The following BCKDHB variants were observed in gnomAD, a reference collection of about 807,000 sequenced individuals.
BCKDHB encodes the protein branched chain keto acid dehydrogenase E1 subunit beta.
A neutral mutation model predicts 48.5 loss-of-function variants in BCKDHB; 41 were observed. The observed-to-expected ratio is 0.85, with a 90% CI of 0.66 to 1.10. The LOEUF is 1.10. BCKDHB is among the 50% of genes least tolerant of loss of function. The pLI is 0.00. For missense variants in BCKDHB, 496 were observed against 494.2 expected (o/e 1.00, Z -0.03); for synonymous variants, 201 against 174.8 (o/e 1.15, Z -1.18).
chr6:80,148,178 A>G (rs1771579001), intron 3 of BCKDHB, among the ~76,000 whole-genome samples: 1 of 152,192 alleles, frequency 6.6e-6, no homozygotes, highest in Admixed American at 6.5e-5. Flanking sequence ...TTATTTTAGC[A>G]GGCCATCTGA....
intron 8 of BCKDHB, among the ~76,000 whole-genome samples, chr6:80,239,408 A>G (rs1044310292): frequency 2.6e-5 from 4 of 152,030 alleles, no homozygotes; most frequent in African/African-American, 9.7e-5. Flanking sequence ...TTCTTTTGAG[A>G]AGTGTCTGTT....
chr6:80,260,245 A>G (rs1041885851), intron 8 of BCKDHB, among the ~76,000 whole-genome samples: 5 of 152,120 alleles, frequency 3.3e-5, no homozygotes, highest in East Asian at 1.9e-4. Flanking sequence ...ATAAAATACA[A>G]TCTTACCATT....
At chr6:80,254,374 A>G (rs1022416851) in intron 8 of BCKDHB, among the ~76,000 whole-genome samples, 17 of 152,088 alleles carry the variant, frequency 1.1e-4, no homozygotes, top group African/African-American at 3.6e-4. Context: ...AGTGATTTTT[A>G]AAGTTGTCTG....
chr6:80,161,275 TTTAGG>T (rs200598117), intron 3 of BCKDHB, among the ~76,000 whole-genome samples: 10,910 of 152,180 alleles, frequency 0.072, 587 homozygotes, highest in South Asian at 0.24. Context: ...TATTATATAT[TTTAGG>T]AATATTAATT....
intron 9 of BCKDHB, among the ~76,000 whole-genome samples, chr6:80,290,747 GT>G (rs2127983917): frequency 6.6e-6 from 1 of 152,302 alleles, no homozygotes; most frequent in South Asian, 2.1e-4. Flanking sequence ...TATTAAGAAA[GT>G]AAAGGAATAA....
chr6:80,360,425 A>C, the BCKDHB span, among the ~76,000 whole-genome samples: 248 of 152,360 alleles, frequency 1.6e-3, 3 homozygotes, highest in East Asian at 0.016. Flanking sequence ...GAGTAGCTCA[A>C]TGAATAATGG....
chr6:80,348,639 A>G (rs1238389807), downstream of BCKDHB, among the ~76,000 whole-genome samples: 3 of 152,176 alleles, frequency 2.0e-5, no homozygotes, highest in Non-Finnish European at 4.4e-5. Context: ...CTGTGTCTCA[A>G]ATTTTCACCT....
intron 1 of BCKDHB, among the ~76,000 whole-genome samples, chr6:80,119,633 T>C (rs912623973): frequency 1.3e-5 from 2 of 152,270 alleles, no homozygotes; most frequent in Admixed American, 6.5e-5. Context: ...AATGTTGACA[T>C]TTTGAAATTT....
At chr6:80,461,131 C>T in the BCKDHB span, among the ~76,000 whole-genome samples, 1 of 152,138 alleles carries the variant, frequency 6.6e-6, no homozygotes, top group African/African-American at 2.4e-5. Flanking sequence ...AGATCAAAAT[C>T]TCTATTTCCA....
the BCKDHB span, among the ~76,000 whole-genome samples, chr6:80,385,753 G>A: frequency 1.3e-5 from 2 of 152,136 alleles, no homozygotes; most frequent in Non-Finnish European, 2.9e-5. Flanking sequence ...TGACCCATGA[G>A]GAGGCGCACA....
chr6:80,122,628 G>A (rs1770092043), intron 1 of BCKDHB, among the ~76,000 whole-genome samples: 1 of 152,026 alleles, frequency 6.6e-6, no homozygotes, highest in Non-Finnish European at 1.5e-5. Context: ...AAATTGGAGG[G>A]GGTTTAAAAC....
At chr6:80,181,935 A>G (rs1376224661) in intron 6 of BCKDHB, among the ~76,000 whole-genome samples, 2 of 152,216 alleles carry the variant, frequency 1.3e-5, no homozygotes, top group Non-Finnish European at 2.9e-5. Context: ...AAAGGAACTC[A>G]TAAGTCCATC....
chr6:80,175,284 C>T lies in BCKDHB; in HGVS notation c.742+3894C>T, dbSNP rs150652102. 1.0e-3 allele frequency among the ~76,000 whole-genome samples: 152 copies of T among 152,280 alleles called. 1 individual carries two copies. The highest frequency in any genetic ancestry group is 3.4e-3 in the African/African-American group (143 of 41,546). On this transcript the variant is annotated intron_variant, in intron 6 of 9. Transcript: ENST00000320393. The stretch of plus-strand genomic sequence containing the variant: ...TGCACACATTAAATTTCGCTTCCCA[C>T]GGGTCACATCTAATCATATGGCCAT...
At chr6:80,392,407 G>A in the BCKDHB span, among the ~76,000 whole-genome samples, 1 of 151,692 alleles carries the variant, frequency 6.6e-6, no homozygotes, top group Middle Eastern at 3.2e-3. Context: ...AACACCGCAT[G>A]TAGATATGGT....
chr6:80,357,709 C>T, the BCKDHB span, among the ~76,000 whole-genome samples: 1 of 152,142 alleles, frequency 6.6e-6, no homozygotes, highest in South Asian at 2.1e-4. Context: ...TGGCTGTGTA[C>T]TCTGCTGATG....
downstream of BCKDHB, among the ~76,000 whole-genome samples, chr6:80,349,880 AGAATATAG>A (rs879753026): frequency 1.3e-5 from 2 of 152,168 alleles, no homozygotes; most frequent in Non-Finnish European, 2.9e-5. Flanking sequence ...CTAGAGTAAA[AGAATATAG>A]GATATTTTGG....
At chr6:80,119,243 G>A (rs924895685) in intron 1 of BCKDHB, among the ~76,000 whole-genome samples, 5 of 151,954 alleles carry the variant, frequency 3.3e-5, no homozygotes, top group South Asian at 4.1e-4. Flanking sequence ...TAAAATGAAC[G>A]AATGAATGAA....
At chr6:80,133,440 C>T (rs921411184) in intron 3 of BCKDHB, among the ~76,000 whole-genome samples, 1 of 152,114 alleles carries the variant, frequency 6.6e-6, no homozygotes, top group Admixed American at 6.6e-5. Context: ...AGTATGAGTG[C>T]TTTGAAAATT....
the BCKDHB span, among the ~76,000 whole-genome samples, chr6:80,425,505 T>C: frequency 6.6e-6 from 1 of 152,186 alleles, no homozygotes. Context: ...AGGAATTACA[T>C]CTGGAGTATC....
Sources: allele counts gnomAD v4.1 joint callset (sites outside exome capture counted in the v4.1 genomes callset), GRCh38; gene constraint gnomAD v4.1.1; transcripts MANE v1.5; gene names NCBI Gene and HGNC (gene_info 2026-07-23, HGNC 2026-07-21).